Variants in SGCD observed in about 807,000 individuals in gnomAD.
SGCD encodes sarcoglycan delta.
SGCD carries 18 observed loss-of-function variants against 36.6 expected under a neutral mutation model. That is an observed-to-expected ratio of 0.49 (90% CI 0.34 to 0.73). The LOEUF (loss-of-function observed/expected upper bound fraction) is 0.73, where lower values mean the gene tolerates loss of function less well. Among genes scored for constraint, SGCD ranks in the 30% least tolerant of loss-of-function variants. SGCD has a pLI of 0.01. For synonymous variants in SGCD, 133 were observed against 130.6 expected, an observed-to-expected ratio of 1.02 and a Z score of -0.12; for missense variants, 387 against 346.7, an observed-to-expected ratio of 1.12 and a Z score of -0.92.
the SGCD span, among the ~76,000 whole-genome samples, chr5:155,832,451 T>C: frequency 1.3e-5 from 2 of 152,200 alleles, no homozygotes. Context: ...TTTCCCTAAA[T>C]CTGGGAAACT....
the SGCD span, among the ~76,000 whole-genome samples, chr5:155,806,509 A>G: frequency 2.0e-5 from 3 of 152,178 alleles, no homozygotes; most frequent in African/African-American, 7.2e-5. Context: ...TTATGTGTAG[A>G]TTTGTTGAAT....
chr5:156,577,322 C>T (rs1476481345), intron 4 of SGCD, among the ~76,000 whole-genome samples: 1 of 152,136 alleles, frequency 6.6e-6, no homozygotes, highest in Non-Finnish European at 1.5e-5. Context: ...TTGCTGTAGC[C>T]TTGTGGAATG....
At chr5:156,004,833 C>T (rs1295384451) in intron 1 of SGCD, among the ~76,000 whole-genome samples, 1 of 152,226 alleles carries the variant, frequency 6.6e-6, no homozygotes, top group East Asian at 1.9e-4. Flanking sequence ...GAATTAATCC[C>T]TGTTCCCCAG....
At chr5:156,594,341 A>G (rs1464446924) in intron 5 of SGCD, among the ~76,000 whole-genome samples, 1 of 152,194 alleles carries the variant, frequency 6.6e-6, no homozygotes, top group African/African-American at 2.4e-5. Context: ...TTTAGTTTTC[A>G]CTGAACAAAA....
intron 1 of SGCD, among the ~76,000 whole-genome samples, chr5:155,961,335 A>T (rs1384450094): frequency 6.6e-6 from 1 of 152,066 alleles, no homozygotes; most frequent in African/African-American, 2.4e-5. Context: ...ATTAGTCTTT[A>T]AAAATAATCT....
rs546817875 is a variant in SGCD, at chr5:156,456,559, G to A, written c.193-52042G>A. 2.0e-5 allele frequency among the ~76,000 whole-genome samples: 3 copies of A among 152,294 alleles called. No homozygotes were observed. In the East Asian group the frequency reaches 5.8e-4, roughly 29 times the overall value. On this transcript the variant is annotated intron_variant, in intron 3 of 8. Transcript: ENST00000337851. ...TCTAAGAAAGAGTTTAGAAGTCTCAGCCTGGTGTCTCCTTGCTGCCTATAG... is the reference window on the plus strand; with the variant it reads ...TCTAAGAAAGAGTTTAGAAGTCTCAACCTGGTGTCTCCTTGCTGCCTATAG...
intron 3 of SGCD, among the ~76,000 whole-genome samples, chr5:156,202,855 T>G (rs1030139879): frequency 2.0e-5 from 3 of 151,524 alleles, no homozygotes; most frequent in African/African-American, 7.3e-5. Context: ...TCTGTATGCC[T>G]CTTGTGACAT....
intron 3 of SGCD, among the ~76,000 whole-genome samples, chr5:156,425,355 C>A (rs910999094): frequency 6.6e-6 from 1 of 152,058 alleles, no homozygotes; most frequent in African/African-American, 2.4e-5. Flanking sequence ...GTTCTCTCTG[C>A]TATAATTTCA....
intron 3 of SGCD, among the ~76,000 whole-genome samples, chr5:156,395,456 T>C (rs1245139767): frequency 6.6e-6 from 1 of 152,338 alleles, no homozygotes; most frequent in African/African-American, 2.4e-5. Flanking sequence ...GTAGAGACAG[T>C]AGTCTGGCTT....
chr5:155,917,838 T>C (rs996389435), intron 1 of SGCD, among the ~76,000 whole-genome samples: 13 of 152,174 alleles, frequency 8.5e-5, no homozygotes, highest in African/African-American at 3.1e-4. Context: ...GGGTAAGAGC[T>C]ATTCTAATGT....
chr5:155,902,939 A>G (rs961949394), intron 1 of SGCD, among the ~76,000 whole-genome samples: 1 of 152,200 alleles, frequency 6.6e-6, no homozygotes, highest in Non-Finnish European at 1.5e-5. Flanking sequence ...TACGAGTTAC[A>G]TGCAATCAGT....
At chr5:156,496,475 G>T (rs983323841) in intron 3 of SGCD, among the ~76,000 whole-genome samples, 1 of 152,030 alleles carries the variant, frequency 6.6e-6, no homozygotes, top group Non-Finnish European at 1.5e-5. Context: ...AGCCAGACTC[G>T]ACTGTATGTG....
intron 3 of SGCD, among the ~76,000 whole-genome samples, chr5:156,143,503 A>G (rs1298459128): frequency 1.3e-5 from 2 of 152,152 alleles, no homozygotes; most frequent in South Asian, 2.1e-4. Context: ...GTTCCTGGAA[A>G]AGCCACAGGC....
At chr5:156,029,093 A>G (rs1759286475) in intron 1 of SGCD, among the ~76,000 whole-genome samples, 1 of 152,084 alleles carries the variant, frequency 6.6e-6, no homozygotes. Flanking sequence ...CAACCTCATC[A>G]TCTGCTTTGA....
the SGCD span, among the ~76,000 whole-genome samples, chr5:155,795,853 T>C: frequency 6.6e-6 from 1 of 152,146 alleles, no homozygotes; most frequent in Non-Finnish European, 1.5e-5. Flanking sequence ...TTTTTAACCC[T>C]AGAAAAGTAG....
chr5:156,346,419 C>T (rs1768942990), intron 3 of SGCD, among the ~76,000 whole-genome samples: 1 of 152,132 alleles, frequency 6.6e-6, no homozygotes, highest in Non-Finnish European at 1.5e-5. Context: ...CCATTTCAAT[C>T]CCTCAAGTAG....
chr5:156,177,036 C>T (rs1018763066), intron 3 of SGCD, among the ~76,000 whole-genome samples: 5 of 152,134 alleles, frequency 3.3e-5, no homozygotes, highest in African/African-American at 1.2e-4. Flanking sequence ...GAGTCTTGCT[C>T]TGTTGCCCAG....
intron 3 of SGCD, among the ~76,000 whole-genome samples, chr5:156,212,021 T>G (rs114162640): frequency 0.013 from 1,958 of 152,188 alleles, 15 homozygotes; most frequent in Middle Eastern, 0.024. Flanking sequence ...ACACAAATGA[T>G]AAAAAGTAAG....
chr5:156,308,687 C>T (rs1767305760), intron 3 of SGCD, among the ~76,000 whole-genome samples: 2 of 152,170 alleles, frequency 1.3e-5, no homozygotes, highest in South Asian at 4.1e-4. Context: ...CCCATGATCC[C>T]ATCACCTCCC....
Sources: gnomAD v4.1 joint callset for allele counts (sites outside exome capture counted in the v4.1 genomes callset) on GRCh38, gnomAD v4.1.1 for gene constraint, MANE v1.5 for transcripts, NCBI Gene and HGNC (gene_info 2026-07-23, HGNC 2026-07-21) for gene names.